KIF26B: variants seen among roughly 807,000 people sequenced by gnomAD.
The protein encoded by KIF26B is kinesin-like protein KIF26B.
In KIF26B, 63 loss-of-function variants were observed where a neutral mutation model predicts 151.2. The ratio of observed to expected loss-of-function variants is 0.42; its 90% CI spans 0.34 to 0.51. KIF26B has a LOEUF of 0.51. Ranked by LOEUF, KIF26B falls within the 20% of genes least tolerant of loss-of-function variation. The pLI is 0.07. For synonymous variants in KIF26B, 1,357 were observed against 1,262.1 expected (o/e 1.08, Z -1.59); for missense variants, 2,813 against 2,913.6 (o/e 0.97, Z 0.79).
chr1:245,513,219 A>G (rs970548947), intron 4 of KIF26B, among the ~76,000 whole-genome samples: 13 of 62,958 alleles, frequency 2.1e-4, no homozygotes, highest in African/African-American at 6.0e-4. Flanking sequence ...CCCCCCCCCA[A>G]CCCCGCCGCC....
intron 2 of KIF26B, among the ~76,000 whole-genome samples, chr1:245,199,012 C>G (rs1167295232): frequency 1.3e-4 from 4 of 30,878 alleles, no homozygotes; most frequent in Non-Finnish European, 2.2e-4. Flanking sequence ...AAGCAGGGGA[C>G]AGACTAGGTG....
At chr1:245,681,985 G>C (rs955329012) in intron 10 of KIF26B, among the ~76,000 whole-genome samples, 7 of 152,230 alleles carry the variant, frequency 4.6e-5, no homozygotes, top group Non-Finnish European at 1.0e-4. Flanking sequence ...GCTCACACCT[G>C]TAATCCCAGC....
chr1:245,262,053 A>G (rs12074338), intron 2 of KIF26B, among the ~76,000 whole-genome samples: 91,815 of 152,074 alleles, frequency 0.6, 29,072 homozygotes, highest in African/African-American at 0.79. Flanking sequence ...GTCTGCACTG[A>G]GGTGTGACGA....
chr1:245,687,229 G>T lies in KIF26B; in HGVS notation c.4246G>T (p.Ala1416Ser), dbSNP rs1433514559. ...GGAGGCCCCCACCGCCACCCCCAAA[G>T]CAGGCCCCACATTAGCCCAGTCCCG... ...EPEAPTATPK[A>S]GPTLAQSRES... The change falls in exon 12 of 15, where the codon GCA becomes TCA. Residue 1416 changes from alanine (A) to serine (S), a missense_variant. Ala to Ser is a moderately conservative substitution (Grantham distance 99). Transcript: ENST00000407071. The surrounding 1 kb of genome is among the most constrained non-coding windows in gnomAD (Gnocchi z 4.9). 1 of 1,612,814 alleles carries T rather than the reference G, an allele frequency of 6.2e-7. No individual in the cohort carries two copies. The highest frequency in any genetic ancestry group is 1.1e-5 in the South Asian group (1 of 90,918).
intron 10 of KIF26B, among the ~76,000 whole-genome samples, chr1:245,672,737 T>C (rs975006097): frequency 6.6e-6 from 1 of 152,156 alleles, no homozygotes; most frequent in Non-Finnish European, 1.5e-5. Flanking sequence ...AATTGTAATC[T>C]AGTATAATTA....
intron 5 of KIF26B, among the ~76,000 whole-genome samples, chr1:245,556,390 C>T (rs989307231): frequency 2.2e-5 from 3 of 138,794 alleles, no homozygotes; most frequent in Non-Finnish European, 4.6e-5. Flanking sequence ...TCTTCTTCTT[C>T]CTTCTTTCTT....
At chr1:245,430,359 A>T (rs1449020611) in intron 4 of KIF26B, among the ~76,000 whole-genome samples, 1 of 152,074 alleles carries the variant, frequency 6.6e-6, no homozygotes, top group Non-Finnish European at 1.5e-5. Flanking sequence ...GCACTGACTC[A>T]TTTAAAAATC....
At chr1:245,245,682 C>T (rs1003733959) in intron 2 of KIF26B, among the ~76,000 whole-genome samples, 3 of 152,028 alleles carry the variant, frequency 2.0e-5, no homozygotes, top group Admixed American at 6.6e-5. Context: ...CCTGTAACCC[C>T]GGCACTTTGG....
rs566898509 is a variant in KIF26B, at chr1:245,687,633, G to C, written c.4650G>C (p.Pro1550=). The part of the protein sequence containing the change: ...AFQKASRQEE[P]DSLSYYCAAE... ...AGAAGGCCAGCCGGCAGGAGGAGCC[G>C]GACAGCCTCTCCTATTACTGCGCTG... Residue 1550 remains proline, a synonymous_variant, in exon 12 of 15, where the codon CCG becomes CCC. Transcript: ENST00000407071. This position sits in a 1 kb window ranked among gnomAD's most constrained non-coding sequence, Gnocchi z 4.9. 2 of 1,566,660 alleles carry C rather than the reference G, an allele frequency of 1.3e-6. No individual in the cohort carries two copies. The highest frequency in any genetic ancestry group is 2.4e-5 in the East Asian group (1 of 42,012).
rs2043399699 is a variant in KIF26B at position 245,601,880 on chromosome 1, T to C, written c.1351-697T>C. On this transcript the variant is annotated intron_variant, in intron 5 of 14. Coordinates refer to ENST00000407071, the MANE Select transcript of KIF26B (RefSeq NM_018012.4). This position sits in a 1 kb window ranked among gnomAD's most constrained non-coding sequence, Gnocchi z 4.4. ...AGGACGGGGCTGGGTTGGTGGTGGG[T>C]ACCAGAGGTGCTCAGTGTTCAATCA... Among the ~76,000 whole-genome samples, 1 of 150,214 alleles carries C rather than the reference T, an allele frequency of 6.7e-6. No individual in the cohort carries two copies. The highest frequency in any genetic ancestry group is 2.1e-4 in the South Asian group (1 of 4,822).
At chr1:245,311,720 G>T (rs578105650) in intron 2 of KIF26B, among the ~76,000 whole-genome samples, 1 of 152,170 alleles carries the variant, frequency 6.6e-6, no homozygotes, top group African/African-American at 2.4e-5. Context: ...ATCACCTGAG[G>T]TCAGGAGTTC....
intron 2 of KIF26B, among the ~76,000 whole-genome samples, chr1:245,245,974 C>T (rs7411217): frequency 0.84 from 125,664 of 149,678 alleles, 52,870 homozygotes; most frequent in South Asian, 0.87. Flanking sequence ...TGCTTGTAGT[C>T]CCAGCTACTC....
chr1:245,427,332 G>C (rs535014361), intron 4 of KIF26B, among the ~76,000 whole-genome samples: 4 of 152,204 alleles, frequency 2.6e-5, no homozygotes, highest in Admixed American at 1.3e-4. Flanking sequence ...AACAGGCCAG[G>C]CGTGGTGGCT....
chr1:245,243,639 T>A (rs745551614), intron 2 of KIF26B, among the ~76,000 whole-genome samples: 2 of 152,140 alleles, frequency 1.3e-5, no homozygotes, highest in Non-Finnish European at 2.9e-5. Context: ...GTATTGCTTA[T>A]GCTTTTTGAG....
chr1:245,331,019 C>T (rs909081514), intron 2 of KIF26B, among the ~76,000 whole-genome samples: 1 of 151,944 alleles, frequency 6.6e-6, no homozygotes, highest in Non-Finnish European at 1.5e-5. Flanking sequence ...AATGCACACA[C>T]GGTGAGCAGA....
intron 4 of KIF26B, among the ~76,000 whole-genome samples, chr1:245,467,603 C>T (rs1659823356): frequency 6.6e-6 from 1 of 152,108 alleles, no homozygotes; most frequent in South Asian, 2.1e-4. Flanking sequence ...CTGGTTTAAA[C>T]ATGGTTGGAG....
chr1:245,542,602 G>A (rs376120649), intron 5 of KIF26B, among the ~76,000 whole-genome samples: 23 of 152,358 alleles, frequency 1.5e-4, no homozygotes, highest in African/African-American at 5.5e-4. Flanking sequence ...GGACTCAGTG[G>A]GTGGGAGCCC....
At chr1:245,404,773 A>G (rs902429374) in intron 3 of KIF26B, among the ~76,000 whole-genome samples, 1 of 152,236 alleles carries the variant, frequency 6.6e-6, no homozygotes, top group African/African-American at 2.4e-5. Context: ...TTCACAGAAG[A>G]GCTTTGTCTC....
At chr1:245,206,610 C>T (rs975617111) in intron 2 of KIF26B, 2 of 152,248 alleles carry the variant, frequency 1.3e-5, no homozygotes, top group Middle Eastern at 3.4e-3. Flanking sequence ...TAAGATGCAT[C>T]ACTATTGAAG....
Sources: gnomAD v4.1 joint callset for allele counts (sites outside exome capture counted in the v4.1 genomes callset) on GRCh38, gnomAD v4.1.1 for gene constraint, Gnocchi (gnomAD v3.1) non-coding constraint, MANE v1.5 for transcripts, NCBI Gene and HGNC (gene_info 2026-07-23, HGNC 2026-07-21) for gene names.